The following CPT1A variants were observed in gnomAD, a reference collection of about 807,000 sequenced individuals.
CPT1A encodes the protein carnitine O-palmitoyltransferase 1, liver isoform.
CPT1A carries 64 observed loss-of-function variants against 100.8 expected under a neutral mutation model. That is an observed-to-expected ratio of 0.63 (90% CI 0.52 to 0.78). The LOEUF (loss-of-function observed/expected upper bound fraction) is 0.78. Ranked by LOEUF, CPT1A falls within the 30% of genes least tolerant of loss-of-function variation. CPT1A has a pLI of 0.00. For missense variants in CPT1A, 802 were observed against 1,034.1 expected (o/e 0.78, Z 3.08); for synonymous variants, 363 against 396.0 (o/e 0.92, Z 0.99).
chr11:68,808,140 C>G (rs1051257599), intron 3 of CPT1A, among the ~76,000 whole-genome samples: 1 of 152,188 alleles, frequency 6.6e-6, no homozygotes, highest in Non-Finnish European at 1.5e-5. Flanking sequence ...TTCTCTCAAA[C>G]TTACTTTTAG....
At chr11:68,805,173 G>T (rs1856006214) in intron 4 of CPT1A, among the ~76,000 whole-genome samples, 1 of 152,194 alleles carries the variant, frequency 6.6e-6, no homozygotes, top group South Asian at 2.1e-4. Context: ...GGTTTGGCTG[G>T]GTGTGGTGGC....
intron 9 of CPT1A, among the ~76,000 whole-genome samples, chr11:68,788,630 T>TAAAAAAAAAAAAAAA: frequency 3.6e-5 from 1 of 27,546 alleles, no homozygotes; most frequent in Non-Finnish European, 6.2e-5. Flanking sequence ...CAAACAAAAG[T>TAAAAAAAAAAAAAAA]AAAAAAAAAA....
intron 14 of CPT1A, among the ~76,000 whole-genome samples, chr11:68,772,995 G>A (rs559585303): frequency 6.6e-5 from 10 of 152,196 alleles, no homozygotes; most frequent in Non-Finnish European, 1.2e-4. Flanking sequence ...TCTGTAGAGT[G>A]ATGAGATCTC....
At chr11:68,774,148 C>T (rs143111195) in intron 13 of CPT1A, among the ~76,000 whole-genome samples, 5 of 152,316 alleles carry the variant, frequency 3.3e-5, no homozygotes, top group Non-Finnish European at 7.4e-5. Flanking sequence ...TGGCCCTCTT[C>T]CAAATGTACT....
chr11:68,779,491 T>TAAAA (rs369619747), intron 12 of CPT1A, among the ~76,000 whole-genome samples: 17 of 86,954 alleles, frequency 2.0e-4, no homozygotes, highest in East Asian at 7.8e-4. Flanking sequence ...AACGAATTAT[T>TAAAA]AAAAAAAAAA....
chr11:68,812,707 A>G, intron 2 of CPT1A, 131 bp from the exon 3 acceptor site: 1 of 1,019,506 alleles, frequency 9.8e-7, no homozygotes, highest in Non-Finnish European at 1.5e-6. Flanking sequence ...GCGTGCGTGC[A>G]CTGAGAAACC....
At chr11:68,760,379 C>T in intron 16 of CPT1A, 41 bp from the exon 17 acceptor site, 1 of 1,504,018 alleles carries the variant, frequency 6.6e-7, no homozygotes, top group South Asian at 1.2e-5. Context: ...ATCCCCTCCT[C>T]TACCGTCCCT....
At chr11:68,839,794 G>T in intron 1 of CPT1A, 1 of 848,460 alleles carries the variant, frequency 1.2e-6, no homozygotes, top group Non-Finnish European at 1.4e-6. Context: ...CTCCCCGGAG[G>T]CCCAACTTGA....
chr11:68,801,905 G>A (rs975366268), intron 5 of CPT1A, among the ~76,000 whole-genome samples: 5 of 152,078 alleles, frequency 3.3e-5, no homozygotes, highest in African/African-American at 9.7e-5. Context: ...CCCCAACAGC[G>A]GATGAACAGG....
chr11:68,780,814 T>TTTAAACACATGTGTGGAA, intron 11 of CPT1A, 69 bp from the exon 12 acceptor site: 1 of 1,131,310 alleles, frequency 8.8e-7, no homozygotes, highest in Non-Finnish European at 1.4e-6. Flanking sequence ...ATTGCACCTC[T>TTTAAACACATGTGTGGAA]CTGCTTCATC....
chr11:68,839,286 G>A (rs979262496), intron 1 of CPT1A, among the ~76,000 whole-genome samples: 1 of 152,256 alleles, frequency 6.6e-6, no homozygotes, highest in African/African-American at 2.4e-5. Context: ...CGGGCAGCAA[G>A]TTTAATTGCT....
intron 9 of CPT1A, among the ~76,000 whole-genome samples, chr11:68,792,162 T>C (rs1344419862): frequency 1.3e-5 from 2 of 151,604 alleles, no homozygotes; most frequent in Admixed American, 6.6e-5. Context: ...ACGGTGAAAC[T>C]CCGTCTCTAC....
chr11:68,806,633 GAAAAAAAA>G (rs775579381), intron 4 of CPT1A, among the ~76,000 whole-genome samples: 1 of 92,446 alleles, frequency 1.1e-5, no homozygotes, highest in Non-Finnish European at 2.7e-5. Context: ...GTCTCAAAAA[GAAAAAAAA>G]AAAAAAAAAA....
At chr11:68,774,335 C>T (rs942659934) in intron 13 of CPT1A, among the ~76,000 whole-genome samples, 1 of 152,136 alleles carries the variant, frequency 6.6e-6, no homozygotes, top group African/African-American at 2.4e-5. Context: ...ACGGGGGCAC[C>T]CTGGCTTCCA....
chr11:68,796,420 G>A (rs7129243), intron 7 of CPT1A, among the ~76,000 whole-genome samples: 10,251 of 152,236 alleles, frequency 0.067, 389 homozygotes, highest in Middle Eastern at 0.14. Flanking sequence ...GCTGGGCGTG[G>A]TGGTGGGCAC....
chr11:68,819,471 C>A (rs2924697), intron 1 of CPT1A, among the ~76,000 whole-genome samples: 7 of 152,046 alleles, frequency 4.6e-5, no homozygotes, highest in African/African-American at 1.5e-4. Flanking sequence ...AAGCATGCAC[C>A]GTGGCAAATA....
chr11:68,791,512 A>C (rs1230761187), intron 9 of CPT1A, among the ~76,000 whole-genome samples: 1 of 152,176 alleles, frequency 6.6e-6, no homozygotes, highest in Non-Finnish European at 1.5e-5. Flanking sequence ...AACACTGTGA[A>C]ATCCGTGAAC....
At chr11:68,819,153 A>G (rs1856511643) in intron 1 of CPT1A, among the ~76,000 whole-genome samples, 1 of 152,066 alleles carries the variant, frequency 6.6e-6, no homozygotes, top group Non-Finnish European at 1.5e-5. Flanking sequence ...ATCTCAGCTC[A>G]CTGCAACTTC....
chr11:68,782,508 C>CA (rs1261124000), intron 10 of CPT1A, among the ~76,000 whole-genome samples: 1 of 152,240 alleles, frequency 6.6e-6, no homozygotes, highest in African/African-American at 2.4e-5. Flanking sequence ...CCCAGGCCAT[C>CA]AGCCCCCAGG....
Sources: allele counts gnomAD v4.1 joint callset (sites outside exome capture counted in the v4.1 genomes callset), GRCh38; gene constraint gnomAD v4.1.1; transcripts MANE v1.5; gene names NCBI Gene and HGNC (gene_info 2026-07-23, HGNC 2026-07-21).